Variants in PIEZO1 observed in about 807,000 individuals in gnomAD.
PIEZO1 encodes piezo type mechanosensitive ion channel component 1 (Er blood group).
A neutral mutation model predicts 297.2 loss-of-function variants in PIEZO1; 296 were observed. That is an observed-to-expected ratio of 1.00 (90% CI 0.91 to 1.10). The LOEUF (loss-of-function observed/expected upper bound fraction) is 1.10, where lower values mean the gene tolerates loss of function less well. Among genes scored for constraint, PIEZO1 ranks in the 50% least tolerant of loss-of-function variants. The probability of loss-of-function intolerance (pLI) is 0.00; values close to 1 mark genes in which losing one functional copy is unlikely to be tolerated. For missense variants in PIEZO1, 5,018 were observed against 3,455.5 expected (o/e 1.45, Z -11.34); for synonymous variants, 2,427 against 1,507.5 (o/e 1.61, Z -14.13).
chr16:88,749,001 G>T (rs1180053095), intron 2 of PIEZO1, among the ~76,000 whole-genome samples: 5 of 149,208 alleles, frequency 3.4e-5, no homozygotes, highest in African/African-American at 1.2e-4. Flanking sequence ...ACTTTGGGAG[G>T]CCGAGGCGGG....
At chr16:88,748,960 G>A (rs1410639776) in intron 2 of PIEZO1, among the ~76,000 whole-genome samples, 4 of 143,254 alleles carry the variant, frequency 2.8e-5, no homozygotes, top group South Asian at 2.2e-4. Flanking sequence ...AAAAAAAGCC[G>A]GGCGCGGTGG....
chr16:88,741,609 G>C lies in PIEZO1; in HGVS notation c.334C>G (p.Leu112Val), dbSNP rs938373330. Residue 112 changes from leucine to valine, a missense_variant, in exon 5 of 51, where the codon CTG (leucine) becomes GTG (valine). Coordinates refer to ENST00000301015, the MANE Select transcript of PIEZO1 (RefSeq NM_001142864.4). Reference sequence around the variant, plus strand: ...CGGATGGCGTTGGGGATGTCCTTCAGGTCCAGCCTGCGGAGAGCAGGGAGC... The same window carrying C: ...CGGATGGCGTTGGGGATGTCCTTCACGTCCAGCCTGCGGAGAGCAGGGAGC... The part of the protein sequence containing the change: ...SRHIGVTRLD[L>V]KDIPNAIRLV... The C allele has an allele frequency of 6.5e-7, 1 of 1,534,968 alleles. No individual in the cohort carries two copies. The highest frequency in any genetic ancestry group is 1.4e-5 in the African/African-American group (1 of 72,968).
chr16:88,724,902 G>T (rs1054766636), intron 30 of PIEZO1, 107 bp downstream of exon 30: 1 of 721,778 alleles, frequency 1.4e-6, no homozygotes, highest in Non-Finnish European at 2.2e-6. Context: ...TGACGCTCAG[G>T]GCCTGGGAGT....
intron 1 of PIEZO1, among the ~76,000 whole-genome samples, chr16:88,774,411 TAAC>T (rs1304976456): frequency 1.3e-5 from 2 of 151,954 alleles, no homozygotes; most frequent in Non-Finnish European, 2.9e-5. Context: ...TAAATAAAAA[TAAC>T]AATATAAACT....
intron 1 of PIEZO1, among the ~76,000 whole-genome samples, chr16:88,769,539 G>A (rs570493190): frequency 3.9e-5 from 6 of 152,322 alleles, no homozygotes; most frequent in South Asian, 4.1e-4. Flanking sequence ...CTGTGGGACC[G>A]GTCCCGCCTC....
Position 88,726,651 on chromosome 16 carries a change from A to AGAGCAGGGT in PIEZO1, c.3700-17_3700-9dup. 7.9e-7 allele frequency: 1 copy of AGAGCAGGGT among 1,263,654 alleles called. No homozygotes were observed. Among genetic ancestry groups the AGAGCAGGGT allele is most frequent in the Non-Finnish European group, 1.1e-6 (1 of 927,782 alleles). The allele number at this position is 1,263,654 out of a possible 1,614,324, so 78.3% of individuals were successfully genotyped here. A position where few individuals can be genotyped will look rare whatever the true frequency, so the allele number is the denominator to read the frequency against. The stretch of plus-strand genomic sequence containing the variant: ...GAAGACGCAGGCCAGGAGCTGGGGG[A>AGAGCAGGGT]GAGCAGGGTCAGCGGGGCCAGCGGG... On this transcript the variant is annotated splice_polypyrimidine_tract_variant and intron_variant, in intron 25 of 50. Coordinates refer to ENST00000301015, the MANE Select transcript of PIEZO1 (RefSeq NM_001142864.4).
chr16:88,760,804 C>T (rs982806776), intron 1 of PIEZO1, among the ~76,000 whole-genome samples: 1 of 152,240 alleles, frequency 6.6e-6, no homozygotes, highest in African/African-American at 2.4e-5. Flanking sequence ...TGTTCCTCAC[C>T]TACTTGGAGC....
chr16:88,748,528 G>C (rs1433982357), intron 2 of PIEZO1, among the ~76,000 whole-genome samples: 2 of 150,614 alleles, frequency 1.3e-5, no homozygotes, highest in African/African-American at 4.9e-5. Flanking sequence ...GTCAACTGAG[G>C]TCCAACCCCA....
chr16:88,726,055 C>T (rs940535583), intron 27 of PIEZO1: 6 of 576,798 alleles, frequency 1.0e-5, no homozygotes, highest in Admixed American at 3.2e-5. Context: ...GAGACACCAG[C>T]CACCGTCAGC....
In PIEZO1 at chr16:88,721,178, C is replaced by T. The variant is rs757753448; in HGVS notation, c.5656G>A (p.Ala1886Thr). The T allele has an allele frequency of 8.0e-5, 121 of 1,509,656 alleles. 3 individuals are homozygous for T. In the Middle Eastern group the frequency reaches 4.5e-3, roughly 56 times the overall value. 93.5% of individuals were successfully genotyped at this position (1,509,656 alleles called of 1,614,324 possible). Residue 1886 changes from alanine (A) to threonine (T), a missense_variant, in exon 39 of 51, where the codon GCG (alanine) becomes ACG (threonine). Transcript: ENST00000301015. ...AGGGCGCTTATACCGATGGCTGCCG[C>T]TCCTTTCCGTGCTGGGCCCTCCTTC... is the stretch of plus-strand genomic sequence containing the variant. Reference protein sequence around the residue: ...RKKEGPARKGAAAIEAEDREE... With the variant: ...RKKEGPARKGTAAIEAEDREE...
At position 88,741,568 on chromosome 16, in the gene PIEZO1, G is replaced by C. The variant is rs753335111; in HGVS notation, c.375C>G (p.Asp125Glu). ...IPNAIRLVAP[D>E]LGILVVSSVC... ...CAGAGGAGACCACCAAGATGCCCAG[G>C]TCAGGGGCCACCAGCCGGATGGCGT... Residue 125 changes from aspartate to glutamate, a missense_variant, in exon 5 of 51, where the codon GAC becomes GAG. By Grantham distance (45) the Asp-to-Glu change is conservative. Coordinates refer to ENST00000301015, the MANE Select transcript of PIEZO1 (RefSeq NM_001142864.4). The C allele has an allele frequency of 5.3e-5, 81 of 1,535,652 alleles. No homozygotes were observed. The highest frequency in any genetic ancestry group is 7.1e-5 in the Non-Finnish European group (81 of 1,146,816).
chr16:88,716,543 C>CA lies in PIEZO1; in HGVS notation c.6926+15dup. On this transcript the variant is annotated intron_variant, in intron 47 of 50. Coordinates refer to ENST00000301015, the MANE Select transcript of PIEZO1 (RefSeq NM_001142864.4). ...GGGTCCACCCACCCAGGCACTGCCC[C>CA]AAGTCCAGGACGAACCTCTGGAAGT... 6.5e-7 allele frequency: 1 copy of CA among 1,538,688 alleles called. No homozygotes were observed. The highest frequency in any genetic ancestry group is 8.8e-7 in the Non-Finnish European group (1 of 1,139,282).
chr16:88,724,226 G>T (rs1904308965), intron 30 of PIEZO1, among the ~76,000 whole-genome samples: 1 of 152,240 alleles, frequency 6.6e-6, no homozygotes, highest in African/African-American at 2.4e-5. Context: ...AGGAGGCTGT[G>T]TGAGAGTTAG....
chr16:88,783,092 G>C (rs1426015629), intron 1 of PIEZO1, among the ~76,000 whole-genome samples: 3 of 152,220 alleles, frequency 2.0e-5, no homozygotes, highest in African/African-American at 7.2e-5. Flanking sequence ...ATAGAAGACT[G>C]ACACGGGGCC....
chr16:88,734,708 A>G lies in PIEZO1; in HGVS notation c.1939T>C (p.Phe647Leu). The G allele has an allele frequency of 1.3e-6, 2 of 1,550,380 alleles. No individual in the cohort carries two copies. The highest frequency in any genetic ancestry group is 1.7e-6 in the Non-Finnish European group (2 of 1,146,954). ...TMLVLIAVYT[F>L]QFQDFPAYWR... is the part of the protein sequence containing the mutation. Reference sequence around the variant, plus strand: ...TAGGCAGGGAAGTCCTGGAACTGGAAGGTGTAGACGGCGATGAGGACCAGC... The same window carrying G: ...TAGGCAGGGAAGTCCTGGAACTGGAGGGTGTAGACGGCGATGAGGACCAGC... Residue 647 changes from phenylalanine (F) to leucine (L), a missense_variant, in exon 15 of 51, where the codon TTC becomes CTC. By Grantham distance (22) the Phe-to-Leu change is conservative (BLOSUM62 0). Coordinates refer to ENST00000301015, the MANE Select transcript of PIEZO1 (RefSeq NM_001142864.4).
At chr16:88,784,455 C>G (rs768655302) in intron 1 of PIEZO1, among the ~76,000 whole-genome samples, 22 of 151,976 alleles carry the variant, frequency 1.4e-4, no homozygotes, top group Non-Finnish European at 2.8e-4. Flanking sequence ...CCGCCTTCTC[C>G]CAGATTGTCA....
Position 88,720,157 on chromosome 16 carries a change from T to A in PIEZO1, c.6076A>T (p.Thr2026Ser). The A allele has an allele frequency of 6.5e-7, 1 of 1,550,364 alleles. No individual in the cohort carries two copies. The highest frequency in any genetic ancestry group is 1.4e-5 in the African/African-American group (1 of 73,138). The change falls in exon 42 of 51, where the codon ACC (threonine) becomes TCC (serine). Residue 2026 changes from threonine (T) to serine (S), a missense_variant. Transcript: ENST00000301015. ...VVDRALYLRK[T>S]VLGKLAFQVA... ...TGGAAGGCCAGCTTGCCCAGCACGG[T>A]CTTGCGCAGGTAGAGGGCGCGGTCA...
chr16:88,735,721 C>G (rs746028778), intron 12 of PIEZO1, among the ~76,000 whole-genome samples: 2 of 152,286 alleles, frequency 1.3e-5, no homozygotes, highest in African/African-American at 2.4e-5. Context: ...CGCAGGCACC[C>G]TGTGAACACA....
chr16:88,719,413 C>T, intron 44 of PIEZO1, 161 bp downstream of exon 44: 1 of 643,216 alleles, frequency 1.6e-6, no homozygotes, highest in African/African-American at 1.8e-5. Context: ...AGATCACTGG[C>T]CTCGTGATCA....
Sources: gnomAD v4.1 joint callset for allele counts (sites outside exome capture counted in the v4.1 genomes callset) on GRCh38, gnomAD v4.1.1 for gene constraint, MANE v1.5 for transcripts, NCBI Gene and HGNC (gene_info 2026-07-23, HGNC 2026-07-21) for gene names.